GAS7: variants seen among roughly 807,000 people sequenced by gnomAD.
GAS7 encodes the protein growth arrest specific 7.
GAS7 carries 28 observed loss-of-function variants against 71.1 expected under a neutral mutation model. The observed-to-expected ratio is 0.39, with a 90% CI of 0.29 to 0.54. GAS7 has a LOEUF of 0.54. Among genes scored for constraint, GAS7 ranks in the 20% least tolerant of loss-of-function variants. The probability of loss-of-function intolerance (pLI) is 0.62; values close to 1 mark genes in which losing one functional copy is unlikely to be tolerated. For missense variants in GAS7, 436 were observed against 627.8 expected (o/e 0.69, Z 3.27); for synonymous variants, 258 against 245.8 (o/e 1.05, Z -0.46).
At chr17:9,993,102 T>A (rs2070908228) in intron 2 of GAS7, among the ~76,000 whole-genome samples, 1 of 152,032 alleles carries the variant, frequency 6.6e-6, no homozygotes, top group African/African-American at 2.4e-5. Flanking sequence ...TGATTTATAG[T>A]CCTTTGGGTA....
intron 2 of GAS7, among the ~76,000 whole-genome samples, chr17:10,009,336 A>AAAAAAAAAAT (rs2071667971): frequency 6.6e-6 from 1 of 150,724 alleles, no homozygotes; most frequent in Non-Finnish European, 1.5e-5. Context: ...AAAAAAAAAA[A>AAAAAAAAAAT]GTGTTCTACT....
rs1013508638 is a variant in GAS7 at position 9,917,349 on chromosome 17, A to T, written c.1318-8T>A. 1.2e-6 allele frequency: 2 copies of T among 1,600,466 alleles called. No homozygotes were observed. Among genetic ancestry groups the T allele is most frequent in the Admixed American group, 3.3e-5 (2 of 60,030 alleles). On this transcript the variant is annotated splice_polypyrimidine_tract_variant and splice_region_variant and intron_variant, in intron 13 of 13. Coordinates refer to ENST00000432992, the MANE Select transcript of GAS7 (RefSeq NM_201433.2). Reference sequence around the variant, plus strand: ...ATCCACGGGCTCGACTGTCTGCAAGAGACAGAGAAAATGCGACACTGTTAG... The same window carrying T: ...ATCCACGGGCTCGACTGTCTGCAAGTGACAGAGAAAATGCGACACTGTTAG...
chr17:10,003,185 C>A (rs945850506), intron 2 of GAS7, among the ~76,000 whole-genome samples: 2 of 152,124 alleles, frequency 1.3e-5, no homozygotes, highest in African/African-American at 4.8e-5. Flanking sequence ...GGAAGTTGAT[C>A]TGGGGATGAG....
chr17:10,178,417 TCTGGCTTCATGTCCACTCCGG>T (rs1222003456), intron 1 of GAS7, among the ~76,000 whole-genome samples: 1 of 149,608 alleles, frequency 6.7e-6, no homozygotes, highest in Non-Finnish European at 1.5e-5. Flanking sequence ...GAGGAAGGAG[TCTGGCTTCATGTCCACTCCGG>T]CTATTTTCTC....
At position 9,916,977 on chromosome 17, in the gene GAS7, A is replaced by G; in HGVS notation, c.*251T>C. The G allele has an allele frequency of 1.8e-6, 1 of 546,204 alleles. No homozygotes were observed. Among genetic ancestry groups the G allele is most frequent in the East Asian group, 2.8e-5 (1 of 35,524 alleles). The allele number at this position is 546,204 out of a possible 1,614,324, so 33.8% of individuals were successfully genotyped here. A position where few individuals can be genotyped will look rare whatever the true frequency, so the allele number is the denominator to read the frequency against. ...AGCCTCTGTTTGTTTCAGAGCGGCA[A>G]GCACAGCATGGGAGTCAGGGGGTCT... On this transcript the variant is annotated 3_prime_UTR_variant, in exon 14 of 14. Coordinates refer to ENST00000432992, the MANE Select transcript of GAS7 (RefSeq NM_201433.2).
chr17:10,085,584 C>T (rs1226419384), intron 1 of GAS7, among the ~76,000 whole-genome samples: 1 of 149,536 alleles, frequency 6.7e-6, no homozygotes, highest in Non-Finnish European at 1.5e-5. Context: ...CCCAGCTACT[C>T]AGGAGGCTGA....
intron 1 of GAS7, among the ~76,000 whole-genome samples, chr17:10,100,502 C>G (rs762506622): frequency 2.6e-5 from 4 of 152,178 alleles, no homozygotes; most frequent in Non-Finnish European, 4.4e-5. Context: ...CAAATCCCAT[C>G]CAGGTGAGAG....
intron 8 of GAS7, among the ~76,000 whole-genome samples, chr17:9,936,741 G>C (rs1949563912): frequency 6.6e-6 from 1 of 152,182 alleles, no homozygotes; most frequent in Admixed American, 6.5e-5. Context: ...GTGCATCTCT[G>C]TTCCAACATA....
At chr17:10,125,080 A>AAG (rs397778028) in intron 1 of GAS7, among the ~76,000 whole-genome samples, 4 of 149,648 alleles carry the variant, frequency 2.7e-5, no homozygotes, top group Non-Finnish European at 3.0e-5. Context: ...AAAAAAAAAA[A>AAG]GGGGGGGTGT....
In GAS7 at chr17:9,944,330, G is replaced by C. The variant is rs534678687; in HGVS notation, c.616-1094C>G. Among the ~76,000 whole-genome samples, 392 of 152,306 alleles carry C rather than the reference G, an allele frequency of 2.6e-3. 3 individuals carry two copies. The highest frequency in any genetic ancestry group is 0.02 in the Middle Eastern group (6 of 294). On this transcript the variant is annotated intron_variant, in intron 6 of 13. Coordinates refer to ENST00000432992, the MANE Select transcript of GAS7 (RefSeq NM_201433.2). ...TTTGATACTTAATGGAAGGTGTTCA[G>C]AACAGGTTTTTGATATCCCAGAGAG...
At chr17:10,024,219 GC>G (rs1187573878) in intron 1 of GAS7, among the ~76,000 whole-genome samples, 1 of 152,168 alleles carries the variant, frequency 6.6e-6, no homozygotes, top group Non-Finnish European at 1.5e-5. Context: ...TCACTTAAGG[GC>G]CAACAGCACC....
rs141851587 is a variant in GAS7 at position 10,164,114 on chromosome 17, C to A, written c.183+34094G>T. On this transcript the variant is annotated intron_variant, in intron 1 of 13. Coordinates refer to ENST00000432992, the MANE Select transcript of GAS7 (RefSeq NM_201433.2). ...TCTGGCTGTGGTCTGGGCCTCCCTGCCCCGTTAATTTTGCACTGTGCAGCC... is the reference window on the plus strand; with the variant it reads ...TCTGGCTGTGGTCTGGGCCTCCCTGACCCGTTAATTTTGCACTGTGCAGCC... Among the ~76,000 whole-genome samples, 123 of 152,212 alleles carry A rather than the reference C, an allele frequency of 8.1e-4. 1 individual carries two copies. The highest frequency in any genetic ancestry group is 2.9e-3 in the African/African-American group (119 of 41,536).
intron 1 of GAS7, among the ~76,000 whole-genome samples, chr17:10,056,565 C>A (rs1234804569): frequency 6.6e-6 from 1 of 151,640 alleles, no homozygotes; most frequent in East Asian, 1.9e-4. Flanking sequence ...TCTTCGGCTC[C>A]AACACTTAAA....
intron 5 of GAS7, among the ~76,000 whole-genome samples, chr17:9,955,572 G>T (rs901139951): frequency 2.6e-5 from 4 of 152,218 alleles, no homozygotes; most frequent in African/African-American, 9.6e-5. Context: ...CACACAGTTT[G>T]TGCATGGAAT....
At chr17:10,126,505 C>G (rs2073951209) in intron 1 of GAS7, among the ~76,000 whole-genome samples, 1 of 149,990 alleles carries the variant, frequency 6.7e-6, no homozygotes, top group African/African-American at 2.5e-5. Context: ...TACACACAAA[C>G]ACGTATCACA....
chr17:10,067,230 T>C (rs1298045529), intron 1 of GAS7, among the ~76,000 whole-genome samples: 1 of 152,114 alleles, frequency 6.6e-6, no homozygotes. Context: ...CCTTCACTTC[T>C]TCATGCAGAC....
intron 1 of GAS7, among the ~76,000 whole-genome samples, chr17:10,044,774 G>C (rs1370679245): frequency 1.3e-5 from 2 of 152,138 alleles, no homozygotes; most frequent in Non-Finnish European, 2.9e-5. Flanking sequence ...AGAGTGTCCG[G>C]CCAGGCGCGG....
At chr17:9,942,188 AG>A (rs1336059961) in intron 7 of GAS7, among the ~76,000 whole-genome samples, 1 of 151,846 alleles carries the variant, frequency 6.6e-6, no homozygotes, top group Non-Finnish European at 1.5e-5. Flanking sequence ...CCGGAGATGG[AG>A]GTTGCAGTGA....
chr17:9,977,262 G>A (rs1215515683), intron 3 of GAS7, among the ~76,000 whole-genome samples: 1 of 152,166 alleles, frequency 6.6e-6, no homozygotes, highest in Non-Finnish European at 1.5e-5. Flanking sequence ...GTACTCAAGA[G>A]CCACACATGG....
Sources: gnomAD v4.1 joint callset for allele counts (sites outside exome capture counted in the v4.1 genomes callset) on GRCh38, gnomAD v4.1.1 for gene constraint, MANE v1.5 for transcripts, NCBI Gene and HGNC (gene_info 2026-07-23, HGNC 2026-07-21) for gene names.